PTPRB: variants seen among roughly 807,000 people sequenced by gnomAD.
PTPRB encodes protein tyrosine phosphatase receptor type B.
A neutral mutation model predicts 238.1 loss-of-function variants in PTPRB; 97 were observed. That is an observed-to-expected ratio of 0.41 (90% CI 0.35 to 0.48). The LOEUF is 0.48. Ranked by LOEUF, PTPRB falls within the 20% of genes least tolerant of loss-of-function variation. The pLI is 0.30. For missense variants in PTPRB, 2,292 were observed against 2,681.9 expected (o/e 0.85, Z 3.21); for synonymous variants, 970 against 995.4 (o/e 0.97, Z 0.48).
intron 4 of PTPRB, among the ~76,000 whole-genome samples, chr12:70,601,499 C>T (rs1229198385): frequency 1.3e-5 from 2 of 152,118 alleles, no homozygotes; most frequent in African/African-American, 2.4e-5. Context: ...CAAACAACAG[C>T]ATCTTTACAG....
chr12:70,573,512 T>TTC lies in PTPRB; in HGVS notation c.2843-1426_2843-1425insGA. Reference sequence around the variant, plus strand: ...TCTTTTTTCTTTTCTTTTCTTTTTTTTTTTTTTTTTTTGAGACAGAATCTC... The same window carrying TTC: ...TCTTTTTTCTTTTCTTTTCTTTTTTTTCTTTTTTTTTTTTGAGACAGAATCTC... On this transcript the variant is annotated intron_variant, in intron 11 of 33. Transcript: ENST00000334414. Among the ~76,000 whole-genome samples the TTC allele has an allele frequency of 1.5e-5, 2 of 137,908 alleles. 1 individual carries two copies. The highest frequency in any genetic ancestry group is 4.5e-4 in the South Asian group (2 of 4,444). The allele number at this position is 137,908 out of a possible 152,430, so 90.5% of individuals were successfully genotyped here.
chr12:70,553,687 T>C (rs1465318391), intron 20 of PTPRB, among the ~76,000 whole-genome samples: 6 of 152,318 alleles, frequency 3.9e-5, no homozygotes, highest in Non-Finnish European at 5.9e-5. Context: ...ATAAATACTA[T>C]AGAGATCAGA....
In PTPRB at chr12:70,541,035, C is replaced by T. The variant is rs923346287; in HGVS notation, c.5495-78G>A. 5.5e-6 allele frequency: 6 copies of T among 1,090,808 alleles called. 1 individual carries two copies. The Admixed American group carries it at 1.3e-4, about 24-fold the overall frequency. The allele number at this position is 1,090,808 out of a possible 1,614,324, so 67.6% of individuals were successfully genotyped here. On this transcript the variant is annotated intron_variant, in intron 22 of 33. Transcript: ENST00000334414. Reference sequence around the variant, plus strand: ...GGAACCAGTAAGAAAGCTATTGAAGCCATATCTCCCAAGTAATGTTATTAC... The same window carrying T: ...GGAACCAGTAAGAAAGCTATTGAAGTCATATCTCCCAAGTAATGTTATTAC...
chr12:70,569,712 C>G lies in PTPRB; in HGVS notation c.3597G>C (p.Gly1199=). 1 of 1,613,880 alleles carries G rather than the reference C, an allele frequency of 6.2e-7. No individual in the cohort carries two copies. Among genetic ancestry groups the G allele is most frequent in the South Asian group, 1.1e-5 (1 of 91,070 alleles). ...QYQIMIASVS[G]SLKNQINVVG... ...CCACATTTATCTGATTCTTCAGGGA[C>G]CCGCTGACTGAGGCAATCATGATCT... Residue 1199 remains glycine (G), a synonymous_variant, in exon 14 of 34, where the codon GGG becomes GGC. Transcript: ENST00000334414.
At chr12:70,588,917 C>T (rs1882210417) in intron 8 of PTPRB, among the ~76,000 whole-genome samples, 1 of 152,192 alleles carries the variant, frequency 6.6e-6, no homozygotes, top group African/African-American at 2.4e-5. Flanking sequence ...TGTACCACTG[C>T]ACTCCAGCCT....
At chr12:70,592,061 A>G in intron 7 of PTPRB, 1 of 603,304 alleles carries the variant, frequency 1.7e-6, no homozygotes, top group Non-Finnish European at 2.9e-6. Context: ...CGTGACATGA[A>G]AAAGCATAAG....
Position 70,566,502 on chromosome 12 carries a change from G to T in PTPRB, c.3837C>A (p.Tyr1279Ter). Reference protein sequence around the residue: ...KFEDLTPGKKYKIQILTVSGG... With the variant: ...KFEDLTPGKK Reference sequence around the variant, plus strand: ...CACTGACAGTTAGGATCTGTATCTTGTATTTCTTGCCTGGTGTTAGATCTT... The same window carrying T: ...CACTGACAGTTAGGATCTGTATCTTTTATTTCTTGCCTGGTGTTAGATCTT... The change falls in exon 15 of 34, where the codon TAC becomes TAA. Residue 1279 changes from tyrosine to a stop codon, truncating the protein, a stop_gained. Coordinates refer to ENST00000334414, the MANE Select transcript of PTPRB (RefSeq NM_001109754.4). LOFTEE classifies it high-confidence loss of function. 1 of 1,614,006 alleles carries T rather than the reference G, an allele frequency of 6.2e-7. No individual in the cohort carries two copies. The highest frequency in any genetic ancestry group is 8.5e-7 in the Non-Finnish European group (1 of 1,179,886).
At position 70,576,663 on chromosome 12, in the gene PTPRB, G is replaced by A. The variant is rs548565841; in HGVS notation, c.2579-18C>T. The stretch of plus-strand genomic sequence containing the variant: ...GGAAGGGACTGTGATTTTGAAAGGT[G>A]GGGGGCGGGGGGGGGGGGGAAGGGG... On this transcript the variant is annotated intron_variant, in intron 10 of 33. Coordinates refer to ENST00000334414, the MANE Select transcript of PTPRB (RefSeq NM_001109754.4). 109 of 273,274 alleles carry A rather than the reference G, an allele frequency of 4.0e-4. No individual in the cohort carries two copies. Among genetic ancestry groups the A allele is most frequent in the Non-Finnish European group, 6.6e-4 (105 of 159,776 alleles). The allele number at this position is 273,274 out of a possible 1,614,324, so 16.9% of individuals were successfully genotyped here.
At chr12:70,535,745 GAGTAGCCA>G (rs1874034253) in intron 29 of PTPRB, among the ~76,000 whole-genome samples, 1 of 152,170 alleles carries the variant, frequency 6.6e-6, no homozygotes, top group African/African-American at 2.4e-5. Context: ...CTGAAGAATG[GAGTAGCCA>G]AGTGGCCAGG....
chr12:70,541,329 A>G (rs1329530808), intron 22 of PTPRB: 2 of 160,774 alleles, frequency 1.2e-5, no homozygotes. Flanking sequence ...GTTACACAGC[A>G]TCTGGGGCTT....
At chr12:70,571,332 C>A in intron 12 of PTPRB, 43 bp from the exon 13 acceptor site, 1 of 1,495,514 alleles carries the variant, frequency 6.7e-7, no homozygotes, top group South Asian at 1.2e-5. Flanking sequence ...AGGAACTGAT[C>A]AGAGTTTACC....
Position 70,614,882 on chromosome 12 carries a change from G to A in PTPRB, c.709-5543C>T, listed in dbSNP as rs1002020972. 4.5e-4 allele frequency among the ~76,000 whole-genome samples: 69 copies of A among 152,174 alleles called. 1 individual carries two copies. Among genetic ancestry groups the A allele is most frequent in the African/African-American group, 1.6e-3 (68 of 41,432 alleles). The stretch of plus-strand genomic sequence containing the variant: ...TAGAGAAATGTTACTTTGATAAGTA[G>A]TTTAAAGCCAAAAACCATGACCAGC... On this transcript the variant is annotated intron_variant, in intron 3 of 33. Transcript: ENST00000334414.
intron 9 of PTPRB, chr12:70,585,210 C>T (rs61930313): frequency 0.091 from 13,775 of 152,126 alleles, 858 homozygotes; most frequent in Non-Finnish European, 0.13. Flanking sequence ...CCACCCATCT[C>T]GGCCTCCCAA....
intron 31 of PTPRB, 110 bp downstream of exon 31, chr12:70,534,378 C>G (rs1873763411): frequency 7.8e-7 from 1 of 1,285,366 alleles, no homozygotes; most frequent in Non-Finnish European, 1.1e-6. Flanking sequence ...GCTGGTTGGT[C>G]CAGACAAATC....
At chr12:70,612,711 G>A (rs1884512960) in intron 3 of PTPRB, among the ~76,000 whole-genome samples, 1 of 152,132 alleles carries the variant, frequency 6.6e-6, no homozygotes, top group Non-Finnish European at 1.5e-5. Context: ...AATTGGCCAG[G>A]TGCGGTGGCT....
intron 8 of PTPRB, among the ~76,000 whole-genome samples, chr12:70,587,901 G>C (rs894897719): frequency 6.6e-6 from 1 of 151,742 alleles, no homozygotes; most frequent in African/African-American, 2.4e-5. Flanking sequence ...AGGAGTTTGA[G>C]ACCACCCTGG....
At chr12:70,548,897 A>G (rs763919258) in intron 21 of PTPRB, among the ~76,000 whole-genome samples, 1 of 152,184 alleles carries the variant, frequency 6.6e-6, no homozygotes, top group Non-Finnish European at 1.5e-5. Context: ...TTCTGTCCCT[A>G]TCTGGGTATT....
At chr12:70,542,760 G>T (rs1398653186) in intron 22 of PTPRB, 2 of 150,972 alleles carry the variant, frequency 1.3e-5, no homozygotes, top group Non-Finnish European at 3.0e-5. Context: ...GGTGGCGGGC[G>T]CCTGTAGTCC....
intron 11 of PTPRB, among the ~76,000 whole-genome samples, chr12:70,574,835 C>G (rs79944108): frequency 0.052 from 7,988 of 152,240 alleles, 270 homozygotes; most frequent in African/African-American, 0.092. Flanking sequence ...CAAGAGGATG[C>G]ACTGAATAAA....
Sources: allele counts gnomAD v4.1 joint callset (sites outside exome capture counted in the v4.1 genomes callset), GRCh38; gene constraint gnomAD v4.1.1; transcripts MANE v1.5; gene names NCBI Gene and HGNC (gene_info 2026-07-23, HGNC 2026-07-21).